The following TCP11L2 variants were observed in gnomAD, a reference collection of about 807,000 sequenced individuals.
TCP11L2 encodes t-complex 11 like 2.
TCP11L2 carries 39 observed loss-of-function variants against 50.7 expected under a neutral mutation model. The ratio of observed to expected loss-of-function variants is 0.77; its 90% CI spans 0.60 to 1.01. TCP11L2 has a LOEUF of 1.01. TCP11L2 is among the 50% of genes least tolerant of loss of function. TCP11L2 has a pLI of 0.00. For missense variants in TCP11L2, 612 were observed against 614.7 expected, an observed-to-expected ratio of 1.00 and a Z score of 0.05; for synonymous variants, 192 against 219.3, an observed-to-expected ratio of 0.88 and a Z score of 1.10.
At chr12:106,308,543 C>T (rs895547580) in intron 1 of TCP11L2, among the ~76,000 whole-genome samples, 5 of 152,122 alleles carry the variant, frequency 3.3e-5, no homozygotes, top group African/African-American at 1.2e-4. Context: ...GGAAAAACAG[C>T]CAGAGCTCAT....
rs760808655 is a variant in TCP11L2 at position 106,321,571 on chromosome 12, A to G, written c.500A>G (p.Gln167Arg). The change falls in exon 5 of 10, where the codon CAG becomes CGG. Residue 167 changes from glutamine to arginine, a missense_variant. Coordinates refer to ENST00000299045, the MANE Select transcript of TCP11L2 (RefSeq NM_152772.3). ...EVLDTDLIRQ[Q>R]AEHSAVDIQG... ...TTGGACACAGACCTCATTAGGCAGC[A>G]GGCTGAGCACAGTGCTGTTGACATC... 1.1e-5 allele frequency: 18 copies of G among 1,614,256 alleles called. No individual in the cohort carries two copies. Among genetic ancestry groups the G allele is most frequent in the East Asian group, 2.2e-5 (1 of 44,890 alleles).
At chr12:106,331,684 A>C (rs2035750492) in intron 6 of TCP11L2, among the ~76,000 whole-genome samples, 1 of 152,230 alleles carries the variant, frequency 6.6e-6, no homozygotes, top group Non-Finnish European at 1.5e-5. Context: ...GACATTAGGT[A>C]ACCTGCCCAA....
At chr12:106,307,552 C>G (rs940931629) in intron 1 of TCP11L2, among the ~76,000 whole-genome samples, 1 of 152,202 alleles carries the variant, frequency 6.6e-6, no homozygotes, top group African/African-American at 2.4e-5. Context: ...TAAATATCCT[C>G]AGTGCCTTTT....
chr12:106,319,016 A>T (rs1215299738), intron 4 of TCP11L2, among the ~76,000 whole-genome samples: 8 of 151,512 alleles, frequency 5.3e-5, no homozygotes, highest in African/African-American at 1.9e-4. Context: ...GGTTCACGCC[A>T]TTCTCCTGCC....
chr12:106,303,033 T>A (rs1346912341), intron 1 of TCP11L2, 92 bp downstream of exon 1: 1 of 152,346 alleles, frequency 6.6e-6, no homozygotes, highest in Non-Finnish European at 1.5e-5. Context: ...AAGGCTCCCC[T>A]GCCCTATCTC....
intron 2 of TCP11L2, among the ~76,000 whole-genome samples, chr12:106,312,703 G>A (rs1451018716): frequency 2.0e-5 from 3 of 152,124 alleles, no homozygotes; most frequent in African/African-American, 7.2e-5. Flanking sequence ...CCAACATGGT[G>A]AAACCCCATC....
upstream of TCP11L2, among the ~76,000 whole-genome samples, chr12:106,298,940 C>T (rs2034378693): frequency 6.6e-6 from 1 of 152,062 alleles, no homozygotes; most frequent in African/African-American, 2.4e-5. Context: ...GCCTCAGCCT[C>T]CCAAGTATTT....
intron 2 of TCP11L2, chr12:106,312,257 ATTTTTTTTTT>A (rs55891003): frequency 2.7e-5 from 8 of 291,612 alleles, no homozygotes; most frequent in Non-Finnish European, 4.6e-5. Flanking sequence ...TTTAGTTTCC[ATTTTTTTTTT>A]TTTTTTTTTT....
At chr12:106,342,199 C>T (rs2036111403) in intron 9 of TCP11L2, among the ~76,000 whole-genome samples, 1 of 152,188 alleles carries the variant, frequency 6.6e-6, no homozygotes, top group South Asian at 2.1e-4. Flanking sequence ...AATACAAATA[C>T]ATTTTATTAT....
At chr12:106,303,535 C>T (rs1358439252) in intron 1 of TCP11L2, 1 of 152,274 alleles carries the variant, frequency 6.6e-6, no homozygotes, top group East Asian at 1.9e-4. Context: ...CTTGCCGGGA[C>T]CTTTGGTTAA....
At chr12:106,309,717 G>T (rs2034774245) in intron 1 of TCP11L2, among the ~76,000 whole-genome samples, 1 of 151,270 alleles carries the variant, frequency 6.6e-6, no homozygotes. Flanking sequence ...GTAGCATTCA[G>T]TACACAGTTT....
intron 8 of TCP11L2, among the ~76,000 whole-genome samples, chr12:106,339,049 G>C (rs1332503645): frequency 2.0e-5 from 3 of 152,192 alleles, no homozygotes; most frequent in Non-Finnish European, 2.9e-5. Context: ...GGAAGCTAAG[G>C]CAGGAGAATC....
chr12:106,318,868 G>A (rs1565845548), intron 4 of TCP11L2, among the ~76,000 whole-genome samples: 1 of 151,384 alleles, frequency 6.6e-6, no homozygotes, highest in Non-Finnish European at 1.5e-5. Flanking sequence ...ATGCCACCAT[G>A]CCTGGCTAAT....
intron 6 of TCP11L2, among the ~76,000 whole-genome samples, chr12:106,331,713 G>A (rs1331766723): frequency 1.3e-5 from 2 of 152,192 alleles, no homozygotes; most frequent in African/African-American, 2.4e-5. Context: ...GCTAATGAGT[G>A]GTAAAGGCCA....
chr12:106,336,361 T>C, intron 8 of TCP11L2, 148 bp downstream of exon 8: 1 of 717,268 alleles, frequency 1.4e-6, no homozygotes, highest in Non-Finnish European at 2.1e-6. Context: ...AGAATTTCCT[T>C]TAATATCTCT....
At chr12:106,345,739 C>T (rs570769548) in intron 9 of TCP11L2, among the ~76,000 whole-genome samples, 38 of 152,230 alleles carry the variant, frequency 2.5e-4, no homozygotes, top group African/African-American at 8.9e-4. Flanking sequence ...TTATTACTCA[C>T]CAGTCTGTGA....
chr12:106,334,604 A>G (rs2035847667), intron 6 of TCP11L2, among the ~76,000 whole-genome samples: 1 of 151,986 alleles, frequency 6.6e-6, no homozygotes, highest in Non-Finnish European at 1.5e-5. Context: ...TTTCCAAGCA[A>G]TTTTTCTGAC....
intron 8 of TCP11L2, 151 bp from the exon 9 acceptor site, chr12:106,340,675 G>A (rs1318654638): frequency 1.9e-6 from 1 of 525,988 alleles, no homozygotes; most frequent in South Asian, 3.8e-5. Flanking sequence ...TGGTTGGGAG[G>A]AGTTACTATT....
chr12:106,313,120 T>C (rs1413642854), intron 2 of TCP11L2, among the ~76,000 whole-genome samples: 2 of 152,196 alleles, frequency 1.3e-5, no homozygotes, highest in Non-Finnish European at 2.9e-5. Context: ...ATTATGTAAA[T>C]TTATTGAGTT....
Sources: allele counts gnomAD v4.1 joint callset (sites outside exome capture counted in the v4.1 genomes callset), GRCh38; gene constraint gnomAD v4.1.1; transcripts MANE v1.5; gene names NCBI Gene and HGNC (gene_info 2026-07-23, HGNC 2026-07-21).